Variants in NOL4 observed in about 807,000 individuals in gnomAD.
NOL4 encodes the protein nucleolar protein 4, also known as cancer/testis antigen 125.
In NOL4, 17 loss-of-function variants were observed where a neutral mutation model predicts 75.9. The observed-to-expected ratio is 0.22, with a 90% CI of 0.15 to 0.34. The LOEUF is 0.34. Among genes scored for constraint, NOL4 ranks in the 10% least tolerant of loss-of-function variants. NOL4 has a pLI of 1.00. For missense variants in NOL4, 614 were observed against 793.5 expected (o/e 0.77, Z 2.72); for synonymous variants, 292 against 289.9 (o/e 1.01, Z -0.07).
chr18:33,880,795 C>G (rs954682460), intron 10 of NOL4, among the ~76,000 whole-genome samples: 2 of 151,774 alleles, frequency 1.3e-5, no homozygotes, highest in African/African-American at 4.8e-5. Context: ...AGAAGAAAAG[C>G]ATTTGCTATT....
chr18:33,936,223 T>C (rs1391531912), intron 9 of NOL4, among the ~76,000 whole-genome samples: 2 of 152,060 alleles, frequency 1.3e-5, no homozygotes, highest in South Asian at 2.1e-4. Context: ...GCACCTGCAA[T>C]TACATTTCTT....
chr18:33,907,900 A>G (rs569130504), intron 9 of NOL4, among the ~76,000 whole-genome samples: 154 of 152,312 alleles, frequency 1.0e-3, no homozygotes, highest in African/African-American at 3.5e-3. Context: ...CATAGGTGTT[A>G]ATGCTGTTTT....
In NOL4 at chr18:33,926,411, A is replaced by G. The variant is rs1213046930; in HGVS notation, c.1542+16654T>C. Among the ~76,000 whole-genome samples the G allele has an allele frequency of 1.0e-4, 15 of 147,974 alleles. 1 individual carries two copies. The highest frequency in any genetic ancestry group is 1.0e-3 in the Admixed American group (15 of 14,850). On this transcript the variant is annotated intron_variant, in intron 9 of 10. Transcript: ENST00000261592. ...GACATCTCACTACTTTCAATTCTCT[A>G]CTGTATTTGTTATTTAAAGTCCTAA...
intron 6 of NOL4, among the ~76,000 whole-genome samples, chr18:34,003,129 T>G (rs2073832225): frequency 6.6e-6 from 1 of 152,126 alleles, no homozygotes; most frequent in South Asian, 2.1e-4. Context: ...AGTTCAAAAA[T>G]CTACCCTTTC....
At chr18:33,887,028 T>C (rs904429878) in intron 9 of NOL4, among the ~76,000 whole-genome samples, 7 of 140,710 alleles carry the variant, frequency 5.0e-5, no homozygotes, top group Non-Finnish European at 7.6e-5. Flanking sequence ...TCTATATATC[T>C]AGATATATTA....
rs531949146 is a variant in NOL4 at position 34,080,195 on chromosome 18, T to C, written c.772+13270A>G. Among the ~76,000 whole-genome samples the C allele has an allele frequency of 2.2e-4, 33 of 152,290 alleles. No individual in the cohort carries two copies. The South Asian group carries it at 6.4e-3, about 30-fold the overall frequency. ...CTCTGTCCCTTACATTGAGAAGCAT[T>C]TGCAGCTCCTCCATCCTCAGGTCAA... On this transcript the variant is annotated intron_variant, in intron 5 of 10. Coordinates refer to ENST00000261592, the MANE Select transcript of NOL4 (RefSeq NM_003787.5).
rs1304928456 is a variant in NOL4, at chr18:33,958,298, C to T, written c.1177G>A (p.Asp393Asn). 1.1e-5 allele frequency: 18 copies of T among 1,613,658 alleles called. No homozygotes were observed. Among genetic ancestry groups the T allele is most frequent in the Non-Finnish European group, 1.1e-5 (13 of 1,179,772 alleles). The stretch of plus-strand genomic sequence containing the variant: ...TCTGTCTCATTAACTTTCTCCGAAT[C>T]GTCATGGTCCTCGTGGTCATCTTCG... Reference protein sequence around the residue: ...EDEDDHEDHDDSEKVNETDGV... With the variant: ...EDEDDHEDHDNSEKVNETDGV... The change falls in exon 7 of 11, where the codon GAT becomes AAT. Residue 393 changes from aspartate (D) to asparagine (N), a missense_variant. Around this residue, in one of 9 missense-constraint regions of NOL4, gnomAD observed 196 missense variants for 167.9 expected, o/e 1.17. Transcript: ENST00000261592.
At chr18:34,059,507 AGATT>A (rs2076982645) in intron 5 of NOL4, among the ~76,000 whole-genome samples, 1 of 152,092 alleles carries the variant, frequency 6.6e-6, no homozygotes, top group African/African-American at 2.4e-5. Context: ...GAATGCACCC[AGATT>A]GATAGATTAT....
chr18:34,181,507 T>G (rs976492352), intron 1 of NOL4, among the ~76,000 whole-genome samples: 2 of 151,570 alleles, frequency 1.3e-5, no homozygotes, highest in Non-Finnish European at 3.0e-5. Context: ...GACCTTGCTT[T>G]AAGTAACAGT....
intron 2 of NOL4, among the ~76,000 whole-genome samples, chr18:34,108,933 C>T (rs1483411821): frequency 3.3e-5 from 5 of 152,060 alleles, no homozygotes; most frequent in African/African-American, 1.2e-4. Context: ...CAGGATAGAT[C>T]ATATGTTAGG....
intron 1 of NOL4, among the ~76,000 whole-genome samples, chr18:34,209,931 C>A (rs1370363653): frequency 6.6e-6 from 1 of 152,120 alleles, no homozygotes; most frequent in Non-Finnish European, 1.5e-5. Context: ...CCTCAGTTAT[C>A]AAGACAATAG....
intron 2 of NOL4, among the ~76,000 whole-genome samples, chr18:34,115,123 C>T (rs901168610): frequency 6.6e-6 from 1 of 152,090 alleles, no homozygotes; most frequent in Non-Finnish European, 1.5e-5. Flanking sequence ...GAAGCAAGTT[C>T]GAGCACAAAG....
At chr18:33,940,135 A>AGG (rs2068364823) in intron 9 of NOL4, among the ~76,000 whole-genome samples, 14 of 152,028 alleles carry the variant, frequency 9.2e-5, no homozygotes, top group Admixed American at 9.2e-4. Context: ...ATTGTGGAAG[A>AGG]CAATGTGGCG....
At chr18:34,086,766 G>A (rs1347624924) in intron 5 of NOL4, among the ~76,000 whole-genome samples, 1 of 152,052 alleles carries the variant, frequency 6.6e-6, no homozygotes, top group Non-Finnish European at 1.5e-5. Flanking sequence ...GTTTGTGTGC[G>A]TGTTCTAAAG....
At chr18:34,092,155 A>G (rs2078553259) in intron 5 of NOL4, among the ~76,000 whole-genome samples, 1 of 152,098 alleles carries the variant, frequency 6.6e-6, no homozygotes, top group Non-Finnish European at 1.5e-5. Flanking sequence ...AGAATATTTC[A>G]GTTACTCTAT....
chr18:33,995,081 T>A (rs2073177416), intron 6 of NOL4, among the ~76,000 whole-genome samples: 2 of 151,614 alleles, frequency 1.3e-5, no homozygotes, highest in African/African-American at 4.8e-5. Flanking sequence ...GCATAAGCAA[T>A]CATGGTAGAC....
rs958022014 is a variant in NOL4 at position 34,052,326 on chromosome 18, C to T, written c.773-32725G>A. Reference sequence around the variant, plus strand: ...AAGTAAATTGCCCTTACTTTGACACCATTGTCTTTTTTTTTCTAAGATAAA... The same window carrying T: ...AAGTAAATTGCCCTTACTTTGACACTATTGTCTTTTTTTTTCTAAGATAAA... On this transcript the variant is annotated intron_variant, in intron 5 of 10. Coordinates refer to ENST00000261592, the MANE Select transcript of NOL4 (RefSeq NM_003787.5). Among the ~76,000 whole-genome samples, 2 of 151,820 alleles carry T rather than the reference C, an allele frequency of 1.3e-5. 1 individual carries two copies. Among genetic ancestry groups the T allele is most frequent in the South Asian group, 4.1e-4 (2 of 4,824 alleles).
chr18:34,084,598 T>C (rs147787537), intron 5 of NOL4, among the ~76,000 whole-genome samples: 1,963 of 152,292 alleles, frequency 0.013, 12 homozygotes, highest in Middle Eastern at 0.034. Context: ...ACATAAGATA[T>C]ACTTTGTTTT....
chr18:33,945,917 T>C (rs567993238), intron 8 of NOL4, among the ~76,000 whole-genome samples: 2 of 151,750 alleles, frequency 1.3e-5, no homozygotes, highest in African/African-American at 2.4e-5. Context: ...AAAGGACAAA[T>C]TGAACTAGAT....
Sources: allele counts gnomAD v4.1 joint callset (sites outside exome capture counted in the v4.1 genomes callset), GRCh38; gene constraint gnomAD v4.1.1; regional missense constraint gnomAD v4.1.1; transcripts MANE v1.5; gene names NCBI Gene and HGNC (gene_info 2026-07-23, HGNC 2026-07-21).